The following LRRC4C variants were observed in gnomAD, a reference collection of about 807,000 sequenced individuals.
LRRC4C encodes leucine-rich repeat-containing protein 4C.
In LRRC4C, 5 loss-of-function variants were observed where a neutral mutation model predicts 33.6. That is an observed-to-expected ratio of 0.15 (90% confidence interval 0.08 to 0.31). The LOEUF (loss-of-function observed/expected upper bound fraction) is 0.31, where lower values mean the gene tolerates loss of function less well. LRRC4C is among the 10% of genes least tolerant of loss of function. The pLI is 1.00. For synonymous variants in LRRC4C, 329 were observed against 302.0 expected, an observed-to-expected ratio of 1.09 and a Z score of -0.93; for missense variants, 560 against 796.7, an observed-to-expected ratio of 0.70 and a Z score of 3.58.
chr11:41,409,244 A>G (rs1323337002), intron 1 of LRRC4C, among the ~76,000 whole-genome samples: 2 of 152,160 alleles, frequency 1.3e-5, no homozygotes, highest in Non-Finnish European at 2.9e-5. Context: ...AAGTCAGCAA[A>G]ATGTCTCTGA....
chr11:41,395,288 G>A (rs889504693), intron 1 of LRRC4C, among the ~76,000 whole-genome samples: 6 of 151,982 alleles, frequency 3.9e-5, no homozygotes, highest in African/African-American at 1.4e-4. Context: ...TTGTCAGAAA[G>A]AGTTGTGTCC....
chr11:40,712,328 A>G (rs1398627993), intron 2 of LRRC4C, among the ~76,000 whole-genome samples: 1 of 152,136 alleles, frequency 6.6e-6, no homozygotes, highest in Non-Finnish European at 1.5e-5. Context: ...TTTGATTTTC[A>G]CTTAGTGGAT....
chr11:40,560,000 ATCT>A (rs1238046998), intron 3 of LRRC4C, among the ~76,000 whole-genome samples: 1 of 152,098 alleles, frequency 6.6e-6, no homozygotes, highest in African/African-American at 2.4e-5. Flanking sequence ...GAGTGTCTTG[ATCT>A]TCTTAGAGTA....
At chr11:41,325,573 T>A (rs550957275) in intron 1 of LRRC4C, among the ~76,000 whole-genome samples, 1 of 97,946 alleles carries the variant, frequency 1.0e-5, no homozygotes, top group Non-Finnish European at 2.1e-5. Context: ...ATAGTTTTTT[T>A]TTTTTGTGTG....
chr11:40,929,278 T>C (rs1262458054), intron 2 of LRRC4C, among the ~76,000 whole-genome samples: 1 of 152,192 alleles, frequency 6.6e-6, no homozygotes, highest in Non-Finnish European at 1.5e-5. Context: ...TAAAAGTTTA[T>C]CAAGGTCTAA....
chr11:41,433,823 A>G (rs1565669590), intron 1 of LRRC4C, among the ~76,000 whole-genome samples: 2 of 148,810 alleles, frequency 1.3e-5, no homozygotes, highest in East Asian at 1.9e-4. Context: ...GTGTGTGTGT[A>G]TACATATATA....
chr11:40,408,975 G>A (rs565195331), intron 3 of LRRC4C, among the ~76,000 whole-genome samples: 1 of 151,974 alleles, frequency 6.6e-6, no homozygotes, highest in East Asian at 1.9e-4. Context: ...ATAAAGTGAA[G>A]CTGAAAGCAT....
At chr11:40,271,594 T>C (rs1449707220) in intron 4 of LRRC4C, among the ~76,000 whole-genome samples, 1 of 152,182 alleles carries the variant, frequency 6.6e-6, no homozygotes, top group East Asian at 1.9e-4. Context: ...TCGATGAATG[T>C]AGGCTTTGGC....
At chr11:40,272,203 G>T (rs1002227174) in intron 4 of LRRC4C, among the ~76,000 whole-genome samples, 5 of 152,102 alleles carry the variant, frequency 3.3e-5, no homozygotes, top group Non-Finnish European at 5.9e-5. Flanking sequence ...TAGCTATTTG[G>T]TGGATATTTT....
chr11:40,125,534 C>T (rs191343749), intron 6 of LRRC4C, among the ~76,000 whole-genome samples: 3 of 150,124 alleles, frequency 2.0e-5, no homozygotes, highest in Admixed American at 6.8e-5. Context: ...TATCCTCACA[C>T]GTTTATGTTC....
intron 1 of LRRC4C, among the ~76,000 whole-genome samples, chr11:41,308,882 G>GC (rs1232797350): frequency 4.6e-5 from 7 of 151,250 alleles, no homozygotes; most frequent in Admixed American, 2.0e-4. Context: ...TTAGCTCACT[G>GC]CAACCCCCAC....
intron 2 of LRRC4C, among the ~76,000 whole-genome samples, chr11:40,803,988 G>A (rs962947307): frequency 6.6e-6 from 1 of 152,020 alleles, no homozygotes; most frequent in Non-Finnish European, 1.5e-5. Context: ...TCACTCTGTT[G>A]TACTATCAAA....
intron 1 of LRRC4C, among the ~76,000 whole-genome samples, chr11:40,959,865 T>C (rs1270976501): frequency 6.6e-6 from 1 of 151,750 alleles, no homozygotes; most frequent in African/African-American, 2.4e-5. Context: ...CCCACAGTGG[T>C]ATTGTATTAT....
At chr11:41,241,453 T>C (rs1013604197) in intron 1 of LRRC4C, among the ~76,000 whole-genome samples, 1 of 152,042 alleles carries the variant, frequency 6.6e-6, no homozygotes, top group African/African-American at 2.4e-5. Context: ...AGTAGGTGTA[T>C]ATGAGATTGT....
chr11:40,611,807 A>G (rs949460622), intron 3 of LRRC4C, among the ~76,000 whole-genome samples: 6 of 151,892 alleles, frequency 4.0e-5, no homozygotes, highest in Admixed American at 2.0e-4. Flanking sequence ...AATCAAAACC[A>G]TAAGGAAATA....
chr11:40,715,065 G>T lies in LRRC4C; in HGVS notation c.-406-66787C>A, dbSNP rs544041610. Among the ~76,000 whole-genome samples, 33 of 152,104 alleles carry T rather than the reference G, an allele frequency of 2.2e-4. No homozygotes were observed. The East Asian group carries it at 5.0e-3, about 23-fold the overall frequency. On this transcript the variant is annotated intron_variant, in intron 2 of 6. Transcript: ENST00000528697. The stretch of plus-strand genomic sequence containing the variant: ...TAGACATGCAGAGCACAAACGTAAA[G>T]GAGAAAATGAATAACTTCACCTGTA...
intron 5 of LRRC4C, among the ~76,000 whole-genome samples, chr11:40,188,946 A>G (rs919523567): frequency 6.6e-6 from 1 of 152,210 alleles, no homozygotes; most frequent in African/African-American, 2.4e-5. Context: ...TCAAACAGTC[A>G]TGGAGGCTTT....
chr11:41,169,317 T>C (rs76134125), intron 1 of LRRC4C, among the ~76,000 whole-genome samples: 13,543 of 152,230 alleles, frequency 0.089, 991 homozygotes, highest in African/African-American at 0.2. Context: ...AGTCTGCTTT[T>C]TCTTCAAAAA....
At chr11:40,155,969 C>T (rs112646561) in intron 5 of LRRC4C, among the ~76,000 whole-genome samples, 20 of 152,136 alleles carry the variant, frequency 1.3e-4, no homozygotes, top group South Asian at 4.2e-4. Flanking sequence ...ACTAGCTAAC[C>T]GAATCCAGCA....
Sources: allele counts gnomAD v4.1 joint callset (sites outside exome capture counted in the v4.1 genomes callset), GRCh38; gene constraint gnomAD v4.1.1; transcripts MANE v1.5; gene names NCBI Gene and HGNC (gene_info 2026-07-23, HGNC 2026-07-21).